The following UBR1 variants were observed in gnomAD, a reference collection of about 807,000 sequenced individuals.
UBR1 encodes the protein E3 ubiquitin-protein ligase UBR1.
A neutral mutation model predicts 242.1 loss-of-function variants in UBR1; 102 were observed. That is an observed-to-expected ratio of 0.42 (90% CI 0.36 to 0.50). The LOEUF is 0.50. UBR1 is among the 20% of genes least tolerant of loss of function. UBR1 has a pLI of 0.01. For synonymous variants in UBR1, 675 were observed against 684.8 expected, an observed-to-expected ratio of 0.99 and a Z score of 0.22; for missense variants, 1,772 against 2,101.8, an observed-to-expected ratio of 0.84 and a Z score of 3.07.
At position 42,960,695 on chromosome 15, in the gene UBR1, A is replaced by G. The variant is rs2032000669; in HGVS notation, c.4707T>C (p.Cys1569=). The change falls in exon 43 of 47, where the codon TGT becomes TGC. Residue 1569 remains cysteine (C), a synonymous_variant. Coordinates refer to ENST00000290650, the MANE Select transcript of UBR1 (RefSeq NM_174916.3). ...DTVRPLLQRW[C]ADPALLNCLK... is the part of the protein sequence containing the mutation. ...AACAGTTTAGTAAGGCAGGATCTGC[A>G]CACCACCTGTATGTGGAGCCAAGAG... 1.2e-6 allele frequency: 2 copies of G among 1,614,028 alleles called. No homozygotes were observed. Among genetic ancestry groups the G allele is most frequent in the East Asian group, 4.5e-5 (2 of 44,862 alleles).
chr15:43,094,214 G>A (rs1458401976), intron 1 of UBR1, among the ~76,000 whole-genome samples: 1 of 152,120 alleles, frequency 6.6e-6, no homozygotes, highest in South Asian at 2.1e-4. Context: ...CGGATTACTT[G>A]AGGTCAGGAG....
chr15:43,038,093 T>A (rs1228560991), intron 16 of UBR1, 78 bp downstream of exon 16: 1 of 1,511,744 alleles, frequency 6.6e-7, no homozygotes, highest in African/African-American at 1.4e-5. Flanking sequence ...TTCTAAATAT[T>A]ATCTCCTTCT....
At chr15:42,952,854 G>A (rs1030859197) in intron 44 of UBR1, among the ~76,000 whole-genome samples, 2 of 152,076 alleles carry the variant, frequency 1.3e-5, no homozygotes, top group Non-Finnish European at 2.9e-5. Flanking sequence ...GACCTTGTAA[G>A]TATGCAATTG....
intron 14 of UBR1, among the ~76,000 whole-genome samples, 156 bp downstream of exon 14, chr15:43,047,005 G>A (rs1289806050): frequency 6.6e-6 from 1 of 152,054 alleles, no homozygotes; most frequent in Non-Finnish European, 1.5e-5. Context: ...AGTATATACA[G>A]TTTCCCCCTA....
At chr15:43,074,047 T>A (rs1320431911) in intron 4 of UBR1, among the ~76,000 whole-genome samples, 1 of 152,212 alleles carries the variant, frequency 6.6e-6, no homozygotes, top group Non-Finnish European at 1.5e-5. Context: ...TTGTGAAAAT[T>A]TTCTGAATTT....
At chr15:42,956,143 T>A (rs1173237864) in intron 44 of UBR1, among the ~76,000 whole-genome samples, 1 of 152,196 alleles carries the variant, frequency 6.6e-6, no homozygotes, top group Non-Finnish European at 1.5e-5. Flanking sequence ...ACGATGCTAT[T>A]ACCTGTTCTG....
chr15:42,999,294 CA>C (rs1333400359), intron 32 of UBR1, among the ~76,000 whole-genome samples: 3 of 152,160 alleles, frequency 2.0e-5, no homozygotes, highest in African/African-American at 7.2e-5. Flanking sequence ...CAGAGAAAAG[CA>C]GTGATTATTC....
intron 35 of UBR1, among the ~76,000 whole-genome samples, chr15:42,986,174 C>T (rs935383705): frequency 1.3e-5 from 2 of 151,876 alleles, no homozygotes; most frequent in Admixed American, 6.6e-5. Context: ...ATTCAAAGGA[C>T]GCTTTGTTTT....
At chr15:43,049,781 T>C (rs919631435) in intron 12 of UBR1, among the ~76,000 whole-genome samples, 1 of 152,120 alleles carries the variant, frequency 6.6e-6, no homozygotes, top group African/African-American at 2.4e-5. Flanking sequence ...ATAAAAAAGA[T>C]TAAAGTTTAA....
intron 29 of UBR1, among the ~76,000 whole-genome samples, chr15:43,009,587 G>C (rs1278889936): frequency 6.6e-6 from 1 of 152,224 alleles, no homozygotes; most frequent in Non-Finnish European, 1.5e-5. Flanking sequence ...TTTCTGGCTG[G>C]AAAAGCAACA....
At chr15:43,098,003 C>T (rs1013553316) in intron 1 of UBR1, among the ~76,000 whole-genome samples, 3 of 152,202 alleles carry the variant, frequency 2.0e-5, no homozygotes, top group Non-Finnish European at 4.4e-5. Context: ...TTTCAACAGC[C>T]TTCCTCACTA....
At chr15:43,097,943 A>G (rs2034180594) in intron 1 of UBR1, among the ~76,000 whole-genome samples, 1 of 152,164 alleles carries the variant, frequency 6.6e-6, no homozygotes, top group African/African-American at 2.4e-5. Context: ...TGCATTCACA[A>G]CTTGGCTAAC....
intron 6 of UBR1, among the ~76,000 whole-genome samples, chr15:43,061,766 C>A (rs1596125228): frequency 9.0e-6 from 1 of 110,826 alleles, no homozygotes. Context: ...TATGAGGACG[C>A]AAAGGCATAA....
chr15:43,082,158 TAAC>T (rs1320557953), intron 3 of UBR1, among the ~76,000 whole-genome samples: 2 of 152,178 alleles, frequency 1.3e-5, no homozygotes, highest in Non-Finnish European at 2.9e-5. Flanking sequence ...TTTTCTCATT[TAAC>T]AACATGAAAA....
chr15:43,063,687 T>C (rs866063244), intron 6 of UBR1, among the ~76,000 whole-genome samples: 1 of 150,312 alleles, frequency 6.7e-6, no homozygotes, highest in Admixed American at 6.7e-5. Context: ...AAGAGCACTA[T>C]TACATCTTTA....
intron 29 of UBR1, among the ~76,000 whole-genome samples, chr15:43,014,258 T>C (rs1331957376): frequency 6.6e-6 from 1 of 152,230 alleles, no homozygotes; most frequent in Non-Finnish European, 1.5e-5. Context: ...GCCGCCTGCC[T>C]TGGCCTCCCA....
intron 14 of UBR1, 117 bp downstream of exon 14, chr15:43,047,044 A>G (rs1022460768): frequency 8.1e-7 from 1 of 1,228,376 alleles, no homozygotes; most frequent in Non-Finnish European, 1.1e-6. Context: ...CAAATATGTA[A>G]AAAGCTACTA....
intron 32 of UBR1, among the ~76,000 whole-genome samples, chr15:43,001,002 T>G (rs190731335): frequency 2.0e-4 from 30 of 152,074 alleles, no homozygotes; most frequent in African/African-American, 7.0e-4. Context: ...CCAGGCTAAT[T>G]TTTGTATTCT....
chr15:43,057,366 A>G (rs1220970308), intron 10 of UBR1, among the ~76,000 whole-genome samples: 1 of 152,166 alleles, frequency 6.6e-6, no homozygotes, highest in Non-Finnish European at 1.5e-5. Flanking sequence ...CTCTGCTTCC[A>G]ATTCCATCTT....
Sources: allele counts gnomAD v4.1 joint callset (sites outside exome capture counted in the v4.1 genomes callset), GRCh38; gene constraint gnomAD v4.1.1; transcripts MANE v1.5; gene names NCBI Gene and HGNC (gene_info 2026-07-23, HGNC 2026-07-21).